Variants in NKAIN3 observed in about 807,000 individuals in gnomAD.
NKAIN3 encodes the protein sodium/potassium transporting ATPase interacting 3.
A neutral mutation model predicts 30.2 loss-of-function variants in NKAIN3; 25 were observed. The observed-to-expected ratio is 0.83, with a 90% CI of 0.60 to 1.16. NKAIN3 has a LOEUF of 1.16. NKAIN3 is among the 50% of genes most tolerant of loss of function. The probability of loss-of-function intolerance (pLI) is 0.00; values close to 1 mark genes in which losing one functional copy is unlikely to be tolerated. For missense variants in NKAIN3, 225 were observed against 254.1 expected (o/e 0.89, Z 0.78); for synonymous variants, 91 against 89.6 (o/e 1.02, Z -0.09).
chr8:62,917,637 G>T (rs1404092488), intron 4 of NKAIN3, among the ~76,000 whole-genome samples: 5 of 152,190 alleles, frequency 3.3e-5, no homozygotes, highest in Admixed American at 6.5e-5. Context: ...GGGTTAAAGG[G>T]TAGAAACAAA....
intron 3 of NKAIN3, among the ~76,000 whole-genome samples, chr8:62,601,677 G>C (rs1255582550): frequency 6.6e-6 from 1 of 152,034 alleles, no homozygotes; most frequent in Admixed American, 6.6e-5. Context: ...TCTGTAAAGG[G>C]AGAATCATCA....
At chr8:62,423,732 T>G (rs561747237) in intron 1 of NKAIN3, among the ~76,000 whole-genome samples, 81 of 152,018 alleles carry the variant, frequency 5.3e-4, no homozygotes, top group Non-Finnish European at 8.1e-4. Context: ...GAAATTATCA[T>G]GGCCCCTTCT....
chr8:62,632,924 A>T (rs1340027220), intron 3 of NKAIN3, among the ~76,000 whole-genome samples: 1 of 152,168 alleles, frequency 6.6e-6, no homozygotes, highest in African/African-American at 2.4e-5. Flanking sequence ...TGCCTAGGGG[A>T]AATGCCCCAT....
intron 1 of NKAIN3, among the ~76,000 whole-genome samples, chr8:62,509,933 C>T (rs1807768370): frequency 6.6e-6 from 1 of 152,020 alleles, no homozygotes; most frequent in Admixed American, 6.6e-5. Flanking sequence ...TACCAAGGGA[C>T]ATAGGACATG....
rs1401793677 is a variant in NKAIN3, at chr8:62,972,270, A to G, written c.*6863A>G. On this transcript the variant is annotated 3_prime_UTR_variant, in exon 7 of 7. Coordinates refer to ENST00000623646, the MANE Select transcript of NKAIN3 (RefSeq NM_001304533.3). ...TTTTCCCTTCATCTCTTTTTCTTCAAGAACATAATATCGGCTGAAGTGGAA... is the reference window on the plus strand; with the variant it reads ...TTTTCCCTTCATCTCTTTTTCTTCAGGAACATAATATCGGCTGAAGTGGAA... 1.3e-5 allele frequency among the ~76,000 whole-genome samples: 2 copies of G among 152,144 alleles called. No homozygotes were observed. Among genetic ancestry groups the G allele is most frequent in the African/African-American group, 4.8e-5 (2 of 41,402 alleles).
intron 1 of NKAIN3, among the ~76,000 whole-genome samples, chr8:62,538,926 A>T (rs757104216): frequency 2.6e-5 from 4 of 152,130 alleles, no homozygotes; most frequent in African/African-American, 4.8e-5. Flanking sequence ...ATTTCATTTT[A>T]CTTTGTATCA....
intron 1 of NKAIN3, among the ~76,000 whole-genome samples, chr8:62,490,396 C>G (rs183591061): frequency 7.2e-5 from 11 of 152,266 alleles, no homozygotes; most frequent in Non-Finnish European, 1.5e-4. Context: ...CAATAAATCT[C>G]TTAATATATA....
At chr8:62,490,622 A>G (rs1345703745) in intron 1 of NKAIN3, among the ~76,000 whole-genome samples, 1 of 152,174 alleles carries the variant, frequency 6.6e-6, no homozygotes, top group Non-Finnish European at 1.5e-5. Flanking sequence ...GCAGGAATAT[A>G]TGTTTACTTA....
chr8:62,801,451 C>A (rs961932229), intron 4 of NKAIN3, among the ~76,000 whole-genome samples: 1 of 152,192 alleles, frequency 6.6e-6, no homozygotes, highest in Non-Finnish European at 1.5e-5. Flanking sequence ...CAGCAGCATT[C>A]GCAGTTCATG....
intron 1 of NKAIN3, among the ~76,000 whole-genome samples, chr8:62,337,571 G>GTATATA (rs1294966562): frequency 9.9e-4 from 22 of 22,224 alleles, no homozygotes; most frequent in Non-Finnish European, 5.6e-4. Context: ...GTCAAGTATA[G>GTATATA]TACATATATA....
At chr8:62,811,666 A>G (rs56134752) in intron 4 of NKAIN3, among the ~76,000 whole-genome samples, 28,347 of 151,922 alleles carry the variant, frequency 0.19, 2,953 homozygotes, top group East Asian at 0.29. Flanking sequence ...CCATCGGTGT[A>G]TCCTCTTTGG....
intron 5 of NKAIN3, among the ~76,000 whole-genome samples, chr8:62,997,172 A>T (rs1247496461): frequency 6.6e-6 from 1 of 152,210 alleles, no homozygotes; most frequent in Non-Finnish European, 1.5e-5. Context: ...AGAAATATTA[A>T]GAAAAAAATT....
intron 6 of NKAIN3, among the ~76,000 whole-genome samples, chr8:62,955,455 G>A (rs1395281835): frequency 6.6e-6 from 1 of 152,018 alleles, no homozygotes; most frequent in East Asian, 1.9e-4. Flanking sequence ...CTAAGACAAT[G>A]CCTAGTGGTG....
intron 5 of NKAIN3, among the ~76,000 whole-genome samples, chr8:62,929,574 C>G (rs537946440): frequency 3.9e-4 from 59 of 152,286 alleles, no homozygotes; most frequent in African/African-American, 1.3e-3. Flanking sequence ...TTCAGGGAAA[C>G]AGGTGAAGAC....
chr8:62,823,740 GA>G (rs909472554), intron 4 of NKAIN3, among the ~76,000 whole-genome samples: 36 of 152,096 alleles, frequency 2.4e-4, no homozygotes, highest in African/African-American at 8.7e-4. Context: ...ATAATTTTCT[GA>G]CAGATGACTA....
At chr8:62,809,877 G>A (rs1237322388) in intron 4 of NKAIN3, among the ~76,000 whole-genome samples, 1 of 152,172 alleles carries the variant, frequency 6.6e-6, no homozygotes, top group Non-Finnish European at 1.5e-5. Context: ...GAATCCAGTA[G>A]AGTTGCCTCT....
At chr8:62,479,607 G>A (rs1806643782) in intron 1 of NKAIN3, among the ~76,000 whole-genome samples, 1 of 152,146 alleles carries the variant, frequency 6.6e-6, no homozygotes, top group Non-Finnish European at 1.5e-5. Context: ...GTTTCTGAGG[G>A]CAGAGGGGTG....
chr8:62,946,419 C>G (rs1415028991), intron 5 of NKAIN3, among the ~76,000 whole-genome samples: 1 of 152,186 alleles, frequency 6.6e-6, no homozygotes, highest in Non-Finnish European at 1.5e-5. Context: ...AGACAGGAGA[C>G]AGCAACAGAT....
At chr8:62,543,591 T>G (rs1808911404) in intron 1 of NKAIN3, among the ~76,000 whole-genome samples, 1 of 152,322 alleles carries the variant, frequency 6.6e-6, no homozygotes, top group Admixed American at 6.5e-5. Flanking sequence ...TCTGTCACAT[T>G]GGCCTAGAGT....
Sources: gnomAD v4.1 joint callset for allele counts (sites outside exome capture counted in the v4.1 genomes callset) on GRCh38, gnomAD v4.1.1 for gene constraint, MANE v1.5 for transcripts, NCBI Gene and HGNC (gene_info 2026-07-23, HGNC 2026-07-21) for gene names.